NBEA: variants seen among roughly 807,000 people sequenced by gnomAD.
NBEA encodes the protein neurobeachin.
In NBEA, 44 loss-of-function variants were observed where a neutral mutation model predicts 343.4. The ratio of observed to expected loss-of-function variants is 0.13; its 90% CI spans 0.10 to 0.16. NBEA has a LOEUF of 0.16. NBEA is among the 10% of genes least tolerant of loss of function. The pLI is 1.00. For missense variants in NBEA, 2,555 were observed against 3,631.3 expected, an observed-to-expected ratio of 0.70 and a Z score of 7.62; for synonymous variants, 1,175 against 1,238.7, an observed-to-expected ratio of 0.95 and a Z score of 1.08.
intron 10 of NBEA, among the ~76,000 whole-genome samples, chr13:35,088,934 T>A (rs2064918773): frequency 7.1e-6 from 1 of 140,914 alleles, no homozygotes; most frequent in Non-Finnish European, 1.5e-5. Flanking sequence ...ACTTAAATGT[T>A]AGACCTAAAA....
Position 35,164,516 on chromosome 13 carries a change from AC to A in NBEA, c.4233+8del, listed in dbSNP as rs2069835547. On this transcript the variant is annotated splice_region_variant and intron_variant, in intron 24 of 58. Transcript: ENST00000379939. ...TGCTGCTACATCACCAACTGTAAGT[AC>A]TTTGCCTCCATCTAGTGGTTATATT... The A allele has an allele frequency of 6.2e-7, 1 of 1,607,632 alleles. No individual in the cohort carries two copies. The highest frequency in any genetic ancestry group is 1.3e-5 in the African/African-American group (1 of 74,872).
chr13:35,049,616 G>A (rs1256642506), intron 5 of NBEA, among the ~76,000 whole-genome samples: 1 of 151,788 alleles, frequency 6.6e-6, no homozygotes, highest in African/African-American at 2.4e-5. Context: ...CATAAATGGG[G>A]TTGGACTTCA....
intron 44 of NBEA, among the ~76,000 whole-genome samples, chr13:35,557,204 T>A (rs2079613911): frequency 1.3e-5 from 2 of 152,144 alleles, no homozygotes; most frequent in Admixed American, 1.3e-4. Context: ...GTTTTCTAGT[T>A]CATTGTTTTA....
At chr13:34,953,424 G>C (rs1416698501) in intron 1 of NBEA, among the ~76,000 whole-genome samples, 1 of 151,988 alleles carries the variant, frequency 6.6e-6, no homozygotes, top group Non-Finnish European at 1.5e-5. Flanking sequence ...ACTGTTACTT[G>C]ATAGTTGTTA....
intron 40 of NBEA, among the ~76,000 whole-genome samples, chr13:35,462,721 C>G (rs2046976925): frequency 6.6e-6 from 1 of 151,496 alleles, no homozygotes; most frequent in African/African-American, 2.4e-5. Flanking sequence ...TCCAAAGCAG[C>G]AGTGATGAGA....
intron 41 of NBEA, among the ~76,000 whole-genome samples, chr13:35,490,620 AG>A (rs1214205126): frequency 6.6e-6 from 1 of 151,992 alleles, no homozygotes; most frequent in Non-Finnish European, 1.5e-5. Context: ...GAAAAGTTGC[AG>A]GTCATTTTTT....
intron 10 of NBEA, among the ~76,000 whole-genome samples, chr13:35,081,096 A>C (rs911207783): frequency 5.3e-5 from 8 of 152,190 alleles, no homozygotes; most frequent in Non-Finnish European, 1.2e-4. Flanking sequence ...AATGCTTCGT[A>C]GTATGGCTTG....
At chr13:35,176,552 C>T (rs1045892083) in intron 27 of NBEA, among the ~76,000 whole-genome samples, 1 of 151,824 alleles carries the variant, frequency 6.6e-6, no homozygotes, top group Non-Finnish European at 1.5e-5. Flanking sequence ...TTAATCTTAC[C>T]GTTTCTAACC....
intron 48 of NBEA, among the ~76,000 whole-genome samples, chr13:35,611,662 A>G (rs1394484373): frequency 6.6e-6 from 1 of 152,188 alleles, no homozygotes; most frequent in Non-Finnish European, 1.5e-5. Flanking sequence ...TATAAAAGGA[A>G]TTATACAATA....
At position 35,251,255 on chromosome 13, in the gene NBEA, A is replaced by G. The variant is rs1405885378; in HGVS notation, c.5776+18636A>G. 22 of 344,022 alleles carry G rather than the reference A, an allele frequency of 6.4e-5. No homozygotes were observed. In the East Asian group the frequency reaches 1.3e-3, roughly 21 times the overall value. 21.3% of individuals were successfully genotyped at this position (344,022 alleles called of 1,614,324 possible). The stretch of plus-strand genomic sequence containing the variant: ...ATTCCACTGCTGCTGTCAACCATGC[A>G]GTATGCCAGTCGTCGCTGGTAGCAG... On this transcript the variant is annotated intron_variant, in intron 34 of 58. Transcript: ENST00000379939.
At chr13:35,023,657 C>T (rs748271918) in intron 1 of NBEA, among the ~76,000 whole-genome samples, 1 of 151,836 alleles carries the variant, frequency 6.6e-6, no homozygotes, top group Non-Finnish European at 1.5e-5. Context: ...GTTACCTATA[C>T]AAAAGAAAAA....
intron 41 of NBEA, among the ~76,000 whole-genome samples, chr13:35,501,466 G>A (rs932059406): frequency 6.6e-6 from 1 of 152,044 alleles, no homozygotes; most frequent in South Asian, 2.1e-4. Context: ...TTTTAAAAAT[G>A]TAAATGTCTT....
chr13:35,131,172 C>G (rs1395155973), intron 17 of NBEA, among the ~76,000 whole-genome samples: 1 of 151,996 alleles, frequency 6.6e-6, no homozygotes, highest in African/African-American at 2.4e-5. Flanking sequence ...GGCCAAAAAG[C>G]CGTATTATTC....
intron 38 of NBEA, among the ~76,000 whole-genome samples, chr13:35,409,107 A>G (rs567994237): frequency 2.1e-4 from 32 of 152,352 alleles, no homozygotes; most frequent in African/African-American, 6.7e-4. Flanking sequence ...ATACCCATCA[A>G]TGATAGCCTG....
chr13:35,002,255 C>T (rs971969235), intron 1 of NBEA, among the ~76,000 whole-genome samples: 1 of 152,212 alleles, frequency 6.6e-6, no homozygotes, highest in Middle Eastern at 3.4e-3. Flanking sequence ...AATAGGGGTT[C>T]CCTGGGCCTT....
intron 34 of NBEA, among the ~76,000 whole-genome samples, chr13:35,264,575 A>T (rs1198298239): frequency 6.7e-6 from 1 of 148,668 alleles, no homozygotes; most frequent in Non-Finnish European, 1.5e-5. Context: ...CATCCTAGGG[A>T]TGCAGGGATA....
chr13:35,218,065 G>T (rs2074161078), intron 33 of NBEA, among the ~76,000 whole-genome samples: 1 of 151,938 alleles, frequency 6.6e-6, no homozygotes, highest in African/African-American at 2.4e-5. Flanking sequence ...CTCAGTATTT[G>T]CCATAATATA....
At chr13:35,101,874 C>G (rs372411804) in intron 11 of NBEA, among the ~76,000 whole-genome samples, 42 of 151,810 alleles carry the variant, frequency 2.8e-4, no homozygotes, top group Middle Eastern at 3.4e-3. Context: ...TGACTTTTCA[C>G]TCTCTTAATG....
At chr13:35,149,949 A>G (rs1239006975) in intron 18 of NBEA, among the ~76,000 whole-genome samples, 1 of 152,126 alleles carries the variant, frequency 6.6e-6, no homozygotes, top group Non-Finnish European at 1.5e-5. Flanking sequence ...CCCACCACCT[A>G]TACTCCTGTG....
Sources: allele counts gnomAD v4.1 joint callset (sites outside exome capture counted in the v4.1 genomes callset), GRCh38; gene constraint gnomAD v4.1.1; transcripts MANE v1.5; gene names NCBI Gene and HGNC (gene_info 2026-07-23, HGNC 2026-07-21).